The following RALGPS1 variants were observed in gnomAD, a reference collection of about 807,000 sequenced individuals.
RALGPS1 encodes the protein Ral GEF with PH domain and SH3 binding motif 1, also known as ras-specific guanine nucleotide-releasing factor RalGPS1.
A neutral mutation model predicts 78.8 loss-of-function variants in RALGPS1; 19 were observed. The ratio of observed to expected loss-of-function variants is 0.24; its 90% CI spans 0.17 to 0.35. The LOEUF (loss-of-function observed/expected upper bound fraction) is 0.35. Among genes scored for constraint, RALGPS1 ranks in the 10% least tolerant of loss-of-function variants. The probability of loss-of-function intolerance (pLI) is 1.00; values close to 1 mark genes in which losing one functional copy is unlikely to be tolerated. For synonymous variants in RALGPS1, 228 were observed against 256.3 expected, an observed-to-expected ratio of 0.89 and a Z score of 1.06; for missense variants, 454 against 688.3, an observed-to-expected ratio of 0.66 and a Z score of 3.81.
intron 3 of RALGPS1, among the ~76,000 whole-genome samples, chr9:126,970,227 G>A (rs549895356): frequency 1.9e-4 from 29 of 152,148 alleles, no homozygotes; most frequent in Non-Finnish European, 2.9e-4. Flanking sequence ...ACAAGTTATC[G>A]TCATCACCCC....
intron 8 of RALGPS1, chr9:127,087,823 G>A (rs1426644574): frequency 6.6e-6 from 1 of 152,358 alleles, no homozygotes; most frequent in Admixed American, 6.5e-5. Flanking sequence ...GTAGCCATCT[G>A]GGGGCTCTGA....
intron 5 of RALGPS1, among the ~76,000 whole-genome samples, chr9:127,035,172 A>G (rs1016273791): frequency 6.6e-6 from 1 of 152,174 alleles, no homozygotes; most frequent in Non-Finnish European, 1.5e-5. Context: ...ACCTTGCCCA[A>G]TGTCAGGCAT....
intron 4 of RALGPS1, among the ~76,000 whole-genome samples, chr9:127,033,539 A>G (rs768497625): frequency 2.0e-5 from 3 of 152,216 alleles, no homozygotes; most frequent in Non-Finnish European, 2.9e-5. Context: ...GTTATTAGTA[A>G]TACTGAGGCC....
At chr9:126,925,961 A>C (rs1056733295) in intron 1 of RALGPS1, among the ~76,000 whole-genome samples, 4 of 152,226 alleles carry the variant, frequency 2.6e-5, no homozygotes, top group Non-Finnish European at 5.9e-5. Flanking sequence ...AAGCACTGAG[A>C]GCAAGGGAGA....
At chr9:127,074,104 A>G (rs1031158226) in intron 8 of RALGPS1, among the ~76,000 whole-genome samples, 1 of 151,228 alleles carries the variant, frequency 6.6e-6, no homozygotes, top group Non-Finnish European at 1.5e-5. Flanking sequence ...CTGGTCTCGA[A>G]CTCCTGACCT....
At chr9:126,967,543 AT>A (rs200970321) in intron 3 of RALGPS1, among the ~76,000 whole-genome samples, 43 of 149,472 alleles carry the variant, frequency 2.9e-4, no homozygotes, top group Admixed American at 8.0e-4. Context: ...TTATAGAATA[AT>A]TTTTTTTTTT....
intron 8 of RALGPS1, among the ~76,000 whole-genome samples, chr9:127,089,338 T>G (rs1345310348): frequency 6.6e-6 from 1 of 152,190 alleles, no homozygotes; most frequent in African/African-American, 2.4e-5. Flanking sequence ...TAACTAGCTG[T>G]GTGATCTCAG....
chr9:127,109,070 C>G (rs1293740998), intron 8 of RALGPS1, among the ~76,000 whole-genome samples: 1 of 152,208 alleles, frequency 6.6e-6, no homozygotes, highest in East Asian at 1.9e-4. Context: ...CCGCAGCCCC[C>G]TTGCTGAACT....
At position 127,138,884 on chromosome 9, in the gene RALGPS1, G is replaced by A. The variant is rs1309635125; in HGVS notation, c.611-27185G>A. On this transcript the variant is annotated intron_variant, in intron 8 of 18. Transcript: ENST00000259351. ...TTATTATTAATACACTAGGGTTACC[G>A]TTACTGGGGGATAGGTAGCTCTCTA... Among the ~76,000 whole-genome samples, 12 of 152,214 alleles carry A rather than the reference G, an allele frequency of 7.9e-5. No individual in the cohort carries two copies. In the South Asian group the frequency reaches 1.2e-3, roughly 16 times the overall value.
At chr9:126,966,009 G>C in intron 3 of RALGPS1, 58 bp downstream of exon 3, 1 of 1,292,140 alleles carries the variant, frequency 7.7e-7, no homozygotes, top group Non-Finnish European at 1.1e-6. Context: ...ACTAGAGGGA[G>C]CCACCACTTA....
intron 4 of RALGPS1, among the ~76,000 whole-genome samples, chr9:126,981,263 T>A (rs2041227366): frequency 6.6e-6 from 1 of 152,204 alleles, no homozygotes; most frequent in Admixed American, 6.5e-5. Flanking sequence ...ATGTTCCAGG[T>A]TGTGGGATTA....
At chr9:127,197,294 G>A (rs901551220) in intron 13 of RALGPS1, among the ~76,000 whole-genome samples, 2 of 152,178 alleles carry the variant, frequency 1.3e-5, no homozygotes, top group South Asian at 4.1e-4. Context: ...GCTGAGGACA[G>A]GTGGGCACCG....
At chr9:127,045,818 G>C (rs986765338) in intron 5 of RALGPS1, among the ~76,000 whole-genome samples, 4 of 151,026 alleles carry the variant, frequency 2.6e-5, no homozygotes, top group African/African-American at 9.8e-5. Context: ...TCTGCCAGCT[G>C]AGAGGACCTA....
At chr9:126,933,102 G>C (rs1163827108) in intron 1 of RALGPS1, among the ~76,000 whole-genome samples, 1 of 152,164 alleles carries the variant, frequency 6.6e-6, no homozygotes, top group East Asian at 1.9e-4. Context: ...GAGGAAGCTT[G>C]GTGAGAGGAC....
At chr9:127,177,068 T>A (rs1275569818) in intron 11 of RALGPS1, among the ~76,000 whole-genome samples, 2 of 152,238 alleles carry the variant, frequency 1.3e-5, no homozygotes, top group Non-Finnish European at 1.5e-5. Context: ...GTCATTATTC[T>A]CTGTCTGGTC....
At chr9:126,927,227 G>A (rs1350740333) in intron 1 of RALGPS1, among the ~76,000 whole-genome samples, 1 of 152,166 alleles carries the variant, frequency 6.6e-6, no homozygotes, top group Non-Finnish European at 1.5e-5. Flanking sequence ...CCCTGAAGTT[G>A]TGTCATAGGA....
intron 1 of RALGPS1, among the ~76,000 whole-genome samples, chr9:126,934,598 G>T (rs959841418): frequency 1.3e-5 from 2 of 152,208 alleles, no homozygotes; most frequent in Non-Finnish European, 2.9e-5. Context: ...AACAGGGGAT[G>T]TGTTAGGGGC....
At chr9:126,996,527 G>A (rs1354656451) in intron 4 of RALGPS1, among the ~76,000 whole-genome samples, 2 of 151,806 alleles carry the variant, frequency 1.3e-5, no homozygotes, top group African/African-American at 4.8e-5. Context: ...CTCTGAAATT[G>A]AGGCAATAAT....
chr9:127,067,435 C>T (rs2049814493), intron 7 of RALGPS1, among the ~76,000 whole-genome samples: 1 of 152,208 alleles, frequency 6.6e-6, no homozygotes, highest in East Asian at 1.9e-4. Flanking sequence ...CTCTGTGGTC[C>T]CAGAGGCTGA....
Sources: allele counts gnomAD v4.1 joint callset (sites outside exome capture counted in the v4.1 genomes callset), GRCh38; gene constraint gnomAD v4.1.1; transcripts MANE v1.5; gene names NCBI Gene and HGNC (gene_info 2026-07-23, HGNC 2026-07-21).